The following NCKAP1 variants were observed in gnomAD, a reference collection of about 807,000 sequenced individuals.
NCKAP1 encodes nck-associated protein 1.
In NCKAP1, 21 loss-of-function variants were observed where a neutral mutation model predicts 151.2. The observed-to-expected ratio is 0.14, with a 90% CI of 0.10 to 0.20. The LOEUF (loss-of-function observed/expected upper bound fraction) is 0.20, where lower values mean the gene tolerates loss of function less well. NCKAP1 is among the 10% of genes least tolerant of loss of function. The pLI, the probability that NCKAP1 is intolerant of heterozygous loss-of-function variation, is 1.00. For synonymous variants in NCKAP1, 484 were observed against 451.8 expected, an observed-to-expected ratio of 1.07 and a Z score of -0.90; for missense variants, 933 against 1,352.1, an observed-to-expected ratio of 0.69 and a Z score of 4.86.
intron 26 of NCKAP1, among the ~76,000 whole-genome samples, chr2:182,932,603 T>G (rs2105801835): frequency 6.6e-6 from 1 of 152,196 alleles, no homozygotes; most frequent in East Asian, 1.9e-4. Flanking sequence ...ATGAGTAAAT[T>G]TTCTGATAGG....
chr2:182,958,862 C>G (rs577666550), intron 18 of NCKAP1, among the ~76,000 whole-genome samples: 8 of 152,006 alleles, frequency 5.3e-5, no homozygotes, highest in Non-Finnish European at 1.0e-4. Context: ...TGAAATGTGC[C>G]CAGTCCAAAT....
At chr2:182,964,881 A>G (rs570987542) in intron 16 of NCKAP1, 73 bp from the exon 17 acceptor site, 1 of 1,184,848 alleles carries the variant, frequency 8.4e-7, no homozygotes, top group African/African-American at 1.6e-5. Flanking sequence ...CTTACAGTTA[A>G]TTTGATTCAA....
intron 26 of NCKAP1, 143 bp from the exon 27 acceptor site, chr2:182,930,931 T>C: frequency 1.5e-6 from 1 of 656,700 alleles, no homozygotes; most frequent in Non-Finnish European, 2.7e-6. Flanking sequence ...AAACTAAGTA[T>C]ACTGAACAAC....
At chr2:182,983,166 A>G in intron 11 of NCKAP1, 120 bp downstream of exon 11, 1 of 802,984 alleles carries the variant, frequency 1.2e-6, no homozygotes, top group Middle Eastern at 2.6e-4. Context: ...TTCATTCTCC[A>G]CTAAATATAA....
At chr2:182,987,315 A>G (rs1423083434) in intron 9 of NCKAP1, among the ~76,000 whole-genome samples, 2 of 152,172 alleles carry the variant, frequency 1.3e-5, no homozygotes, top group African/African-American at 2.4e-5. Flanking sequence ...TCTATGTTTA[A>G]GTGGTCTAAG....
intron 2 of NCKAP1, among the ~76,000 whole-genome samples, chr2:183,022,087 C>T (rs1424087116): frequency 6.6e-6 from 1 of 152,138 alleles, no homozygotes; most frequent in Non-Finnish European, 1.5e-5. Context: ...ACAGCAGATG[C>T]TTAATTGGTC....
rs1696484702 is a variant in NCKAP1, at chr2:182,917,385, G to C, written c.*8317C>G. 1 of 152,140 alleles carries C rather than the reference G, an allele frequency of 6.6e-6. No homozygotes were observed. The highest frequency in any genetic ancestry group is 2.4e-5 in the African/African-American group (1 of 41,430). The allele number at this position is 152,140 out of a possible 1,614,324, so 9.4% of individuals were successfully genotyped here. A position where few individuals can be genotyped will look rare whatever the true frequency, so the allele number is the denominator to read the frequency against. ...AGCATATATGCGGCAACACAGCACAGTGGAAGGAACACTATATGAGCACAT... is the reference window on the plus strand; with the variant it reads ...AGCATATATGCGGCAACACAGCACACTGGAAGGAACACTATATGAGCACAT... On this transcript the variant is annotated 3_prime_UTR_variant, in exon 31 of 31. Coordinates refer to ENST00000361354, the MANE Select transcript of NCKAP1 (RefSeq NM_013436.5).
At chr2:182,978,714 C>T in intron 14 of NCKAP1, 120 bp downstream of exon 14, 1 of 501,852 alleles carries the variant, frequency 2.0e-6, no homozygotes, top group Non-Finnish European at 3.3e-6. Flanking sequence ...CTTCAGAGAA[C>T]AAAATTAAGA....
intron 23 of NCKAP1, among the ~76,000 whole-genome samples, chr2:182,944,087 T>C (rs1279009630): frequency 6.6e-6 from 1 of 152,178 alleles, no homozygotes; most frequent in Non-Finnish European, 1.5e-5. Flanking sequence ...AAAGTAATGC[T>C]TCTTCTGCTG....
At chr2:183,024,831 T>C (rs933187391) in intron 1 of NCKAP1, 23 of 723,980 alleles carry the variant, frequency 3.2e-5, no homozygotes, top group Admixed American at 1.2e-4. Context: ...CTGTCTGCCA[T>C]GTGTGAGGAA....
At chr2:182,932,677 A>G (rs773756328) in intron 26 of NCKAP1, among the ~76,000 whole-genome samples, 12 of 151,856 alleles carry the variant, frequency 7.9e-5, no homozygotes, top group Non-Finnish European at 1.3e-4. Flanking sequence ...TTTTTTTTTA[A>G]AAGTTAAGTT....
chr2:182,978,960 G>T, intron 13 of NCKAP1, 45 bp from the exon 14 acceptor site: 1 of 1,355,986 alleles, frequency 7.4e-7, no homozygotes, highest in Non-Finnish European at 1.0e-6. Context: ...CTATAGTTGG[G>T]AAACAACTCA....
intron 24 of NCKAP1, among the ~76,000 whole-genome samples, chr2:182,941,314 T>G (rs537685311): frequency 2.6e-5 from 4 of 152,344 alleles, no homozygotes; most frequent in African/African-American, 9.6e-5. Context: ...CACTGTGATT[T>G]CACAATATAC....
rs778409782 is a variant in NCKAP1 at position 182,995,808 on chromosome 2, T to C, written c.634A>G (p.Met212Val). The change falls in exon 7 of 31, where the codon ATG (methionine) becomes GTG (valine). Residue 212 changes from methionine to valine, a missense_variant. Coordinates refer to ENST00000361354, the MANE Select transcript of NCKAP1 (RefSeq NM_013436.5). Reference protein sequence around the residue: ...SLSDALISLQMVYPRRNLSAD... With the variant: ...SLSDALISLQVVYPRRNLSAD... ...GAAAGATTCCTTCGAGGATATACCATTTGAAGAGAAATTAGTGCATCTGAA... is the reference window on the plus strand; with the variant it reads ...GAAAGATTCCTTCGAGGATATACCACTTGAAGAGAAATTAGTGCATCTGAA... 2 of 1,611,890 alleles carry C rather than the reference T, an allele frequency of 1.2e-6. No individual in the cohort carries two copies. Among genetic ancestry groups the C allele is most frequent in the Non-Finnish European group, 1.7e-6 (2 of 1,178,132 alleles).
intron 11 of NCKAP1, among the ~76,000 whole-genome samples, 177 bp from the exon 12 acceptor site, chr2:182,983,104 A>G (rs947572239): frequency 6.6e-6 from 1 of 152,218 alleles, no homozygotes; most frequent in Non-Finnish European, 1.5e-5. Flanking sequence ...GAGCATGCAT[A>G]TAAGGGAGAA....
At chr2:183,009,475 G>GAAGGAAGGAAGGAAGGAAGGAAGCAAGC (rs1485338665) in intron 2 of NCKAP1, among the ~76,000 whole-genome samples, 3 of 100,226 alleles carry the variant, frequency 3.0e-5, no homozygotes, top group African/African-American at 4.1e-5. Flanking sequence ...AGGAAGGAAG[G>GAAGGAAGGAAGGAAGGAAGGAAGCAAGC]AAGCAAGCAA....
In NCKAP1 at chr2:182,935,367, T is replaced by C; in HGVS notation, c.2704A>G (p.Ser902Gly). The C allele has an allele frequency of 6.4e-7, 1 of 1,554,646 alleles. No homozygotes were observed. Among genetic ancestry groups the C allele is most frequent in the Non-Finnish European group, 8.7e-7 (1 of 1,155,724 alleles). ...ATTATTGTCATCCTCTTCAAGACAC[T>C]GTCAACAGCTAAATTCAAAGAAACA... ...ALFKRLSSVD[S>G]VLKRMTIIGV... is the part of the protein sequence containing the mutation. Residue 902 changes from serine (S) to glycine (G), a missense_variant, in exon 25 of 31, where the codon AGT becomes GGT. Transcript: ENST00000361354.
chr2:182,956,322 G>A, intron 20 of NCKAP1, 140 bp downstream of exon 20: 4 of 1,076,206 alleles, frequency 3.7e-6, no homozygotes, highest in Non-Finnish European at 5.2e-6. Flanking sequence ...TTATAGGCGT[G>A]AGCCACCACG....
At chr2:182,932,484 TGG>T (rs1394979389) in intron 26 of NCKAP1, among the ~76,000 whole-genome samples, 2 of 152,040 alleles carry the variant, frequency 1.3e-5, no homozygotes, top group East Asian at 3.9e-4. Context: ...TGACTGCTAA[TGG>T]GTACAAGGCT....
Sources: gnomAD v4.1 joint callset for allele counts (sites outside exome capture counted in the v4.1 genomes callset) on GRCh38, gnomAD v4.1.1 for gene constraint, MANE v1.5 for transcripts, NCBI Gene and HGNC (gene_info 2026-07-23, HGNC 2026-07-21) for gene names.